DISP1: variants seen among roughly 807,000 people sequenced by gnomAD.
The protein encoded by DISP1 is dispatched RND transporter family member 1.
In DISP1, 30 loss-of-function variants were observed where a neutral mutation model predicts 37.3. The ratio of observed to expected loss-of-function variants is 0.80; its 90% CI spans 0.60 to 1.09. The LOEUF (loss-of-function observed/expected upper bound fraction) is 1.09. Ranked by LOEUF, DISP1 falls within the 50% of genes least tolerant of loss-of-function variation. The probability of loss-of-function intolerance (pLI) is 0.00; values close to 1 mark genes in which losing one functional copy is unlikely to be tolerated. For missense variants in DISP1, 1,598 were observed against 1,879.5 expected (o/e 0.85, Z 2.77); for synonymous variants, 634 against 690.2 (o/e 0.92, Z 1.28).
At chr1:222,835,042 C>A (rs561979687) in intron 1 of DISP1, 1 of 152,072 alleles carries the variant, frequency 6.6e-6, no homozygotes, top group Admixed American at 6.6e-5. Context: ...ATAGTATGAA[C>A]ATTCCAAATG....
Position 223,004,103 on chromosome 1 carries a change from G to A in DISP1, c.2706G>A (p.Gly902=). 6.2e-7 allele frequency: 1 copy of A among 1,614,168 alleles called. No individual in the cohort carries two copies. Among genetic ancestry groups the A allele is most frequent in the Non-Finnish European group, 8.5e-7 (1 of 1,180,032 alleles). ...TCATGGAGCTGGAAAGGAGTACAGG[G>A]TACCATTTGGATAGCAAAACCCCAG... is the stretch of plus-strand genomic sequence containing the variant. ...RAIMELERST[G]YHLDSKTPGP... Residue 902 remains glycine (G), a synonymous_variant, in exon 9 of 9, where the codon GGG becomes GGA. Transcript: ENST00000675850. This position sits in a 1 kb window ranked among gnomAD's most constrained non-coding sequence, Gnocchi z 4.9.
chr1:222,835,234 A>C (rs934410117), intron 1 of DISP1: 2 of 152,234 alleles, frequency 1.3e-5, no homozygotes, highest in African/African-American at 4.8e-5. Flanking sequence ...AAATTTTGAA[A>C]GAGTCATTTA....
At chr1:222,844,186 T>C (rs1667769312) in intron 1 of DISP1, among the ~76,000 whole-genome samples, 1 of 152,184 alleles carries the variant, frequency 6.6e-6, no homozygotes, top group Non-Finnish European at 1.5e-5. Flanking sequence ...CCTTTGTTTC[T>C]TTTTATTCCT....
At chr1:222,936,445 A>C (rs1195538652) in intron 2 of DISP1, among the ~76,000 whole-genome samples, 2 of 150,722 alleles carry the variant, frequency 1.3e-5, no homozygotes, top group Non-Finnish European at 3.0e-5. Context: ...TCCAAACAGG[A>C]GTTGGATGTC....
chr1:222,870,820 T>C (rs192566879), intron 1 of DISP1, among the ~76,000 whole-genome samples: 1,706 of 152,324 alleles, frequency 0.011, 28 homozygotes, highest in African/African-American at 0.039. Context: ...CAATTTTGGA[T>C]TTTGTTGCCA....
intron 1 of DISP1, among the ~76,000 whole-genome samples, chr1:222,911,183 A>G (rs539593773): frequency 1.1e-4 from 16 of 152,150 alleles, no homozygotes; most frequent in Non-Finnish European, 2.2e-4. Context: ...TCTTTGTATT[A>G]TATCAGCTTT....
At chr1:222,833,369 C>G (rs1017224063) in intron 1 of DISP1, among the ~76,000 whole-genome samples, 2 of 152,160 alleles carry the variant, frequency 1.3e-5, no homozygotes, top group Non-Finnish European at 2.9e-5. Context: ...TCTGTGGGTT[C>G]TGATCAATGG....
chr1:222,842,546 C>T (rs758971314), intron 1 of DISP1, among the ~76,000 whole-genome samples: 1 of 151,920 alleles, frequency 6.6e-6, no homozygotes. Flanking sequence ...ATAGTGACAG[C>T]GATCCATGTA....
intron 1 of DISP1, among the ~76,000 whole-genome samples, chr1:222,831,911 A>T (rs1260419528): frequency 6.6e-6 from 1 of 152,188 alleles, no homozygotes; most frequent in Non-Finnish European, 1.5e-5. Context: ...GTGATTGGTC[A>T]TCTATTCATT....
chr1:222,919,330 A>G (rs1672676684), intron 1 of DISP1, among the ~76,000 whole-genome samples: 1 of 152,202 alleles, frequency 6.6e-6, no homozygotes, highest in Non-Finnish European at 1.5e-5. Context: ...TGCTGAGGGA[A>G]GTCACGCCCC....
At chr1:222,929,107 A>C (rs551408118) in intron 2 of DISP1, among the ~76,000 whole-genome samples, 2 of 152,318 alleles carry the variant, frequency 1.3e-5, no homozygotes, top group Admixed American at 6.5e-5. Context: ...CTTCAACAGC[A>C]AGTAATTCTT....
chr1:222,833,145 G>A (rs909563932), intron 1 of DISP1, among the ~76,000 whole-genome samples: 7 of 152,022 alleles, frequency 4.6e-5, no homozygotes, highest in South Asian at 2.1e-4. Context: ...GGTTAGAAAC[G>A]CATACTGAGT....
intron 4 of DISP1, among the ~76,000 whole-genome samples, chr1:222,988,219 T>A (rs748942607): frequency 6.6e-6 from 1 of 152,250 alleles, no homozygotes; most frequent in Non-Finnish European, 1.5e-5. Context: ...AGAACCCATA[T>A]GATTTTGCAT....
At chr1:222,998,056 T>C (rs1679195767) in intron 8 of DISP1, among the ~76,000 whole-genome samples, 1 of 152,126 alleles carries the variant, frequency 6.6e-6, no homozygotes, top group African/African-American at 2.4e-5. Context: ...ATAATAAACC[T>C]TTCTCATGGA....
chr1:222,886,740 T>A (rs929271726), intron 1 of DISP1, among the ~76,000 whole-genome samples: 3 of 152,226 alleles, frequency 2.0e-5, no homozygotes, highest in African/African-American at 7.2e-5. Flanking sequence ...TTTACTTACA[T>A]AGGGCCAATG....
intron 1 of DISP1, among the ~76,000 whole-genome samples, chr1:222,926,007 T>G (rs142742747): frequency 5.3e-5 from 8 of 152,280 alleles, no homozygotes; most frequent in Non-Finnish European, 1.0e-4. Context: ...TGTGCAAACA[T>G]CACCATTATC....
chr1:222,984,132 G>A (rs182040101), intron 4 of DISP1, among the ~76,000 whole-genome samples: 4 of 151,930 alleles, frequency 2.6e-5, no homozygotes, highest in Admixed American at 1.3e-4. Flanking sequence ...TAGGCCAGGC[G>A]CAGTGGCTCA....
chr1:222,879,864 C>T (rs1179580008), intron 1 of DISP1, among the ~76,000 whole-genome samples: 1 of 151,916 alleles, frequency 6.6e-6, no homozygotes, highest in Non-Finnish European at 1.5e-5. Flanking sequence ...CATTTTAACA[C>T]TATATTGTTG....
At chr1:222,839,095 A>G (rs1667432879) in intron 1 of DISP1, among the ~76,000 whole-genome samples, 1 of 152,134 alleles carries the variant, frequency 6.6e-6, no homozygotes, top group Non-Finnish European at 1.5e-5. Context: ...CTTAATATCT[A>G]TAGCAGGGGT....
Sources: gnomAD v4.1 joint callset for allele counts (sites outside exome capture counted in the v4.1 genomes callset) on GRCh38, gnomAD v4.1.1 for gene constraint, Gnocchi (gnomAD v3.1) non-coding constraint, MANE v1.5 for transcripts, NCBI Gene and HGNC (gene_info 2026-07-23, HGNC 2026-07-21) for gene names.